The following CEP120 variants were observed in gnomAD, a reference collection of about 807,000 sequenced individuals.
CEP120 encodes centrosomal protein of 120 kDa.
In CEP120, 113 loss-of-function variants were observed where a neutral mutation model predicts 126.5. The ratio of observed to expected loss-of-function variants is 0.89; its 90% CI spans 0.77 to 1.04. The LOEUF (loss-of-function observed/expected upper bound fraction) is 1.04. CEP120 is among the 50% of genes least tolerant of loss of function. The pLI is 0.00. For synonymous variants in CEP120, 400 were observed against 394.3 expected (o/e 1.01, Z -0.17); for missense variants, 1,230 against 1,155.7 (o/e 1.06, Z -0.93).
At position 123,398,967 on chromosome 5, in the gene CEP120, T is replaced by C. The variant is rs544144970; in HGVS notation, c.612+169A>G. Reference sequence around the variant, plus strand: ...CAAGATCATCAAAATCTATTTTTTCTAAATTAAGAAGTTTTCTTTCCAGTA... The same window carrying C: ...CAAGATCATCAAAATCTATTTTTTCCAAATTAAGAAGTTTTCTTTCCAGTA... On this transcript the variant is annotated intron_variant, in intron 5 of 19. Coordinates refer to ENST00000306467, the MANE Select transcript of CEP120 (RefSeq NM_001375405.1). Among the ~76,000 whole-genome samples, 375 of 152,180 alleles carry C rather than the reference T, an allele frequency of 2.5e-3. 4 individuals are homozygous for C. The highest frequency in any genetic ancestry group is 8.6e-3 in the African/African-American group (358 of 41,524).
At chr5:123,388,675 GT>G in intron 8 of CEP120, 69 bp from the exon 9 acceptor site, 4 of 1,224,342 alleles carry the variant, frequency 3.3e-6, no homozygotes, top group Non-Finnish European at 3.3e-6. Flanking sequence ...TGTACAGATA[GT>G]TTAAGGCTAT....
At chr5:123,411,912 G>A (rs1307876306) in intron 4 of CEP120, among the ~76,000 whole-genome samples, 4 of 152,196 alleles carry the variant, frequency 2.6e-5, no homozygotes, top group African/African-American at 9.6e-5. Flanking sequence ...GGTGTGGCAT[G>A]TTGACAGCAA....
intron 5 of CEP120, among the ~76,000 whole-genome samples, chr5:123,394,568 G>A (rs991065758): frequency 6.6e-6 from 1 of 152,142 alleles, no homozygotes; most frequent in South Asian, 2.1e-4. Flanking sequence ...GTACCAGTCC[G>A]CAGCCTGAGG....
chr5:123,377,252 A>G, intron 16 of CEP120, 122 bp downstream of exon 16: 1 of 858,804 alleles, frequency 1.2e-6, no homozygotes, highest in Non-Finnish European at 1.8e-6. Context: ...CAGTGCAATA[A>G]TATGATTAAT....
intron 18 of CEP120, among the ~76,000 whole-genome samples, chr5:123,362,978 C>T (rs1329448552): frequency 6.6e-6 from 1 of 151,600 alleles, no homozygotes; most frequent in Non-Finnish European, 1.5e-5. Context: ...AGCTTGAGCC[C>T]TTGGCATCAT....
chr5:123,402,024 T>A, intron 4 of CEP120: 2 of 1,605,904 alleles, frequency 1.2e-6, no homozygotes, highest in Middle Eastern at 1.7e-4. Context: ...CCGTACCTTG[T>A]CTATGAAGGA....
chr5:123,422,501 C>A, intron 1 of CEP120: 2 of 1,535,456 alleles, frequency 1.3e-6, no homozygotes, highest in South Asian at 2.4e-5. Flanking sequence ...CTCTTAAGAA[C>A]TGTAGTCCCC....
rs1171601399 is a variant in CEP120 at position 123,383,102 on chromosome 5, T to C, written c.1764-20A>G. The stretch of plus-strand genomic sequence containing the variant: ...TTTGATCTACAAATAAAATAAGAAA[T>C]ACCTTAAAATTCACAGAAATACTTT... On this transcript the variant is annotated intron_variant, in intron 11 of 19. Transcript: ENST00000306467. The C allele has an allele frequency of 2.3e-6, 3 of 1,280,174 alleles. No individual in the cohort carries two copies. The highest frequency in any genetic ancestry group is 3.3e-6 in the Non-Finnish European group (3 of 905,018). The allele number at this position is 1,280,174 out of a possible 1,614,324, so 79.3% of individuals were successfully genotyped here. A position where few individuals can be genotyped will look rare whatever the true frequency, so the allele number is the denominator to read the frequency against.
At chr5:123,405,320 A>G (rs1289677148) in intron 4 of CEP120, among the ~76,000 whole-genome samples, 1 of 152,154 alleles carries the variant, frequency 6.6e-6, no homozygotes, top group Non-Finnish European at 1.5e-5. Context: ...CGTGACTTTT[A>G]CCTCCAGGGA....
At chr5:123,375,563 T>C (rs992930913) in intron 16 of CEP120, among the ~76,000 whole-genome samples, 2 of 144,510 alleles carry the variant, frequency 1.4e-5, no homozygotes, top group Non-Finnish European at 3.1e-5. Context: ...GCTCAAGCAC[T>C]CCTCCCACCT....
chr5:123,411,049 A>G (rs1774024247), intron 4 of CEP120, among the ~76,000 whole-genome samples: 1 of 152,224 alleles, frequency 6.6e-6, no homozygotes, highest in Non-Finnish European at 1.5e-5. Context: ...CAAAGAAGAT[A>G]CACACATGGT....
intron 3 of CEP120, among the ~76,000 whole-genome samples, chr5:123,414,835 G>A (rs1774278395): frequency 6.6e-6 from 1 of 151,890 alleles, no homozygotes; most frequent in African/African-American, 2.4e-5. Context: ...AGCTGGGCAT[G>A]GTGGCGGGTG....
In CEP120 at chr5:123,378,330, A is replaced by C. The variant is rs1771389668; in HGVS notation, c.2196+6T>G. Reference sequence around the variant, plus strand: ...TGAAAAAAAATACAATGGACGAATGACATACCTCTGATTCCACACTAGCAA... The same window carrying C: ...TGAAAAAAAATACAATGGACGAATGCCATACCTCTGATTCCACACTAGCAA... On this transcript the variant is annotated splice_donor_region_variant and intron_variant, in intron 15 of 19. Transcript: ENST00000306467. The C allele has an allele frequency of 6.3e-7, 1 of 1,586,394 alleles. No individual in the cohort carries two copies. The highest frequency in any genetic ancestry group is 2.3e-5 in the East Asian group (1 of 44,404).
chr5:123,423,327 G>C lies in CEP120; in HGVS notation c.-329C>G. On this transcript the variant is annotated 5_prime_UTR_variant, in exon 1 of 20. Transcript: ENST00000306467. ...CTTTTCAAACGCCCGGGCGGCCGCA[G>C]CGGCCGCCGCCGCGCCCAGCTTCCG... is the stretch of plus-strand genomic sequence containing the variant. 1 of 355,014 alleles carries C rather than the reference G, an allele frequency of 2.8e-6. No individual in the cohort carries two copies. The highest frequency in any genetic ancestry group is 4.6e-5 in the Admixed American group (1 of 21,962). 22.0% of individuals were successfully genotyped at this position (355,014 alleles called of 1,614,324 possible).
At chr5:123,357,092 G>C (rs6595439) in intron 18 of CEP120, among the ~76,000 whole-genome samples, 33,449 of 151,648 alleles carry the variant, frequency 0.22, 3,969 homozygotes, top group Middle Eastern at 0.26. Flanking sequence ...AGTACTTTAG[G>C]GATGCTATTT....
intron 6 of CEP120, 86 bp downstream of exon 6, chr5:123,393,214 A>T: frequency 1.7e-6 from 2 of 1,165,982 alleles, no homozygotes; most frequent in East Asian, 2.3e-5. Context: ...GATTAAGTTT[A>T]GGTACTAAAC....
At chr5:123,380,118 C>T (rs150644604) in intron 14 of CEP120, among the ~76,000 whole-genome samples, 7 of 152,136 alleles carry the variant, frequency 4.6e-5, no homozygotes, top group Non-Finnish European at 8.8e-5. Context: ...GGTAAATAAA[C>T]GAAAAGGCTC....
chr5:123,412,399 C>T lies in CEP120; in HGVS notation c.463G>A (p.Val155Ile). 6.3e-7 allele frequency: 1 copy of T among 1,595,006 alleles called. No individual in the cohort carries two copies. The highest frequency in any genetic ancestry group is 8.5e-7 in the Non-Finnish European group (1 of 1,174,214). Reference sequence around the variant, plus strand: ...ATGTTTTTAGAGATGATGCACAAACCTTTTCCATCTCGAGGGGGAGCCCCC... The same window carrying T: ...ATGTTTTTAGAGATGATGCACAAACTTTTTCCATCTCGAGGGGGAGCCCCC... ...AKGAPPRDGK[V>I]PAILAGLDPR... Residue 155 changes from valine (V) to isoleucine (I), a missense_variant and splice_region_variant, in exon 4 of 20, where the codon GTA (valine) becomes ATA (isoleucine). Val to Ile is a conservative substitution (Grantham distance 29, BLOSUM62 3). Coordinates refer to ENST00000306467, the MANE Select transcript of CEP120 (RefSeq NM_001375405.1).
chr5:123,377,374 C>T lies in CEP120; in HGVS notation c.2358G>A (p.Gln786=). The T allele has an allele frequency of 6.2e-7, 1 of 1,606,024 alleles. No individual in the cohort carries two copies. Among genetic ancestry groups the T allele is most frequent in the Non-Finnish European group, 8.5e-7 (1 of 1,177,770 alleles). Residue 786 remains glutamine, a splice_region_variant and synonymous_variant, in exon 16 of 20, where the codon CAG becomes CAA. Transcript: ENST00000306467. The part of the protein sequence containing the change: ...LEEDKHRLQQ[Q]LNDAENKYKI... The stretch of plus-strand genomic sequence containing the variant: ...AAAGATGACAAGTACGTTATCCAAC[C>T]TGTTGCTGAAGGCGGTGTTTATCCT...
Sources: gnomAD v4.1 joint callset for allele counts (sites outside exome capture counted in the v4.1 genomes callset) on GRCh38, gnomAD v4.1.1 for gene constraint, MANE v1.5 for transcripts, NCBI Gene and HGNC (gene_info 2026-07-23, HGNC 2026-07-21) for gene names.